KANSL1: variants seen among roughly 807,000 people sequenced by gnomAD.
KANSL1 encodes MLL1/MLL complex subunit KANSL1.
In KANSL1, 22 loss-of-function variants were observed where a neutral mutation model predicts 103.6. The ratio of observed to expected loss-of-function variants is 0.21; its 90% confidence interval spans 0.15 to 0.30. KANSL1 has a LOEUF of 0.30. KANSL1 is among the 10% of genes least tolerant of loss of function. The pLI is 1.00. For synonymous variants in KANSL1, 600 were observed against 527.6 expected (o/e 1.14, Z -1.88); for missense variants, 1,337 against 1,399.8 (o/e 0.96, Z 0.72).
At chr17:46,130,041 C>G (rs576669089) in intron 2 of KANSL1, among the ~76,000 whole-genome samples, 10 of 142,136 alleles carry the variant, frequency 7.0e-5, no homozygotes, top group Non-Finnish European at 1.3e-4. Context: ...CAAAAATTAG[C>G]CAGGTATGGT....
intron 7 of KANSL1, chr17:46,042,048 C>T (rs2077344973): frequency 6.6e-6 from 1 of 152,036 alleles, no homozygotes; most frequent in South Asian, 2.1e-4. Flanking sequence ...GGTGGGACTA[C>T]AGGCACCCGC....
rs547452889 is a variant in KANSL1 at position 46,119,123 on chromosome 17, T to TA, written c.1290-24423_1290-24422insT. Among the ~76,000 whole-genome samples, 283 of 152,350 alleles carry TA rather than the reference T, an allele frequency of 1.9e-3. 1 individual carries two copies. The highest frequency in any genetic ancestry group is 2.5e-3 in the Non-Finnish European group (170 of 68,034). ...TGAATGCTTCCTTTGTTCCGGGCAT[T>TA]GTGCTACAACATTACATGACTTTTC... is the stretch of plus-strand genomic sequence containing the variant. On this transcript the variant is annotated intron_variant, in intron 2 of 14. Transcript: ENST00000432791.
chr17:46,064,210 T>C (rs2078291800), intron 6 of KANSL1, among the ~76,000 whole-genome samples: 1 of 152,124 alleles, frequency 6.6e-6, no homozygotes, highest in Non-Finnish European at 1.5e-5. Flanking sequence ...CAGTCAATTC[T>C]ACAATTCTTT....
At chr17:46,201,532 A>C (rs2047804389) in intron 1 of KANSL1, among the ~76,000 whole-genome samples, 1 of 152,210 alleles carries the variant, frequency 6.6e-6, no homozygotes, top group Non-Finnish European at 1.5e-5. Flanking sequence ...GGTTCTCTGA[A>C]CCATCAGAAA....
intron 4 of KANSL1, among the ~76,000 whole-genome samples, chr17:46,067,965 G>A (rs1179287165): frequency 6.6e-6 from 1 of 151,646 alleles, no homozygotes; most frequent in Non-Finnish European, 1.5e-5. Flanking sequence ...GAGAGAGAGA[G>A]AGGTTGACAG....
chr17:46,197,548 C>T (rs943920312), upstream of KANSL1, among the ~76,000 whole-genome samples: 2 of 152,222 alleles, frequency 1.3e-5, no homozygotes, highest in African/African-American at 4.8e-5. Context: ...GAGGCTGAGG[C>T]ATGAGAATCA....
chr17:46,140,291 T>TG (rs2044355592), intron 2 of KANSL1, among the ~76,000 whole-genome samples: 1 of 152,032 alleles, frequency 6.6e-6, no homozygotes. Context: ...AAACACATGA[T>TG]GGGGAAAAAA....
At chr17:46,047,024 G>A (rs2077537633) in intron 7 of KANSL1, among the ~76,000 whole-genome samples, 1 of 152,102 alleles carries the variant, frequency 6.6e-6, no homozygotes, top group African/African-American at 2.4e-5. Context: ...ATGTTTTAGT[G>A]TTTTCCACTC....
At chr17:46,215,693 G>A (rs2048318447) in intron 1 of KANSL1, among the ~76,000 whole-genome samples, 1 of 152,234 alleles carries the variant, frequency 6.6e-6, no homozygotes, top group Admixed American at 6.5e-5. Flanking sequence ...CGCTCACTAA[G>A]ATACGAAGAT....
chr17:46,141,058 T>TGATC (rs2044394826), intron 2 of KANSL1, among the ~76,000 whole-genome samples: 1 of 152,072 alleles, frequency 6.6e-6, no homozygotes, highest in Non-Finnish European at 1.5e-5. Flanking sequence ...GAACAGTGAT[T>TGATC]GATCCTGTTT....
At chr17:46,217,110 CAAAAAAAAAAA>C (rs33982904) in intron 1 of KANSL1, among the ~76,000 whole-genome samples, 1 of 111,032 alleles carries the variant, frequency 9.0e-6, no homozygotes, top group Non-Finnish European at 1.7e-5. Context: ...GACCCTGTCT[CAAAAAAAAAAA>C]AAAAAAAAAA....
chr17:46,171,444 C>G lies in KANSL1; in HGVS notation c.700G>C (p.Val234Leu). 1 of 1,614,026 alleles carries G rather than the reference C, an allele frequency of 6.2e-7. No individual in the cohort carries two copies. The highest frequency in any genetic ancestry group is 8.5e-7 in the Non-Finnish European group (1 of 1,180,000). The change falls in exon 2 of 15, where the codon GTC becomes CTC. Residue 234 changes from valine to leucine, a missense_variant. Physicochemically the swap from Val to Leu is conservative, Grantham distance 32. Around this residue, in one of 2 missense-constraint regions of KANSL1, gnomAD observed 557 missense variants for 476.4 expected, o/e 1.17. Coordinates refer to ENST00000432791, the MANE Select transcript of KANSL1 (RefSeq NM_015443.4). ...AGTGCCGGCTGTTCCATGGAATTGACAGAGGATTTGTTTGCAGTGCTATTA... is the reference window on the plus strand; with the variant it reads ...AGTGCCGGCTGTTCCATGGAATTGAGAGAGGATTTGTTTGCAGTGCTATTA... ...SNNSTANKSS[V>L]NSMEQPALQG...
At chr17:46,142,670 T>C (rs553851085) in intron 2 of KANSL1, among the ~76,000 whole-genome samples, 2 of 152,242 alleles carry the variant, frequency 1.3e-5, no homozygotes, top group African/African-American at 4.8e-5. Context: ...TCACTAATAC[T>C]TTCCCAATGC....
At chr17:46,111,065 C>T (rs1567686549) in intron 2 of KANSL1, among the ~76,000 whole-genome samples, 1 of 152,140 alleles carries the variant, frequency 6.6e-6, no homozygotes, top group Admixed American at 6.5e-5. Flanking sequence ...TAGTTTTTTT[C>T]CCTTAAATTA....
chr17:46,142,952 T>C (rs190631204), intron 2 of KANSL1, among the ~76,000 whole-genome samples: 5 of 152,366 alleles, frequency 3.3e-5, no homozygotes, highest in East Asian at 1.9e-4. Flanking sequence ...AGAAAGTCCA[T>C]GAAAAGAATA....
intron 1 of KANSL1, among the ~76,000 whole-genome samples, chr17:46,190,782 T>C (rs559916934): frequency 1.3e-5 from 2 of 152,388 alleles, no homozygotes; most frequent in African/African-American, 4.8e-5. Context: ...CGGCACACTT[T>C]GTTGCATAAA....
intron 2 of KANSL1, among the ~76,000 whole-genome samples, chr17:46,161,700 TA>T (rs929559459): frequency 2.4e-4 from 37 of 152,288 alleles, no homozygotes; most frequent in African/African-American, 8.2e-4. Flanking sequence ...TAAAACAACT[TA>T]TAAGAACATG....
intron 2 of KANSL1, among the ~76,000 whole-genome samples, chr17:46,161,532 C>T (rs2045744030): frequency 6.6e-6 from 1 of 152,188 alleles, no homozygotes; most frequent in African/African-American, 2.4e-5. Context: ...CCCAAAGGCC[C>T]TAAACTCTGC....
At chr17:46,102,388 T>C (rs778114710) in intron 2 of KANSL1, among the ~76,000 whole-genome samples, 10 of 152,226 alleles carry the variant, frequency 6.6e-5, no homozygotes, top group Admixed American at 2.0e-4. Flanking sequence ...TAGCTGGGAT[T>C]ACAGGTGCCT....
Sources: allele counts gnomAD v4.1 joint callset (sites outside exome capture counted in the v4.1 genomes callset), GRCh38; gene constraint gnomAD v4.1.1; regional missense constraint gnomAD v4.1.1; transcripts MANE v1.5; gene names NCBI Gene and HGNC (gene_info 2026-07-23, HGNC 2026-07-21).